The following ARHGAP15 variants were observed in gnomAD, a reference collection of about 807,000 sequenced individuals.
ARHGAP15 encodes the protein Rho GTPase activating protein 15, also known as rho GTPase-activating protein 15.
In ARHGAP15, 51 loss-of-function variants were observed where a neutral mutation model predicts 63.7. That is an observed-to-expected ratio of 0.80 (90% confidence interval 0.64 to 1.01). ARHGAP15 has a LOEUF of 1.01. Ranked by LOEUF, ARHGAP15 falls within the 50% of genes least tolerant of loss-of-function variation. The pLI is 0.00. For missense variants in ARHGAP15, 560 were observed against 564.6 expected, an observed-to-expected ratio of 0.99 and a Z score of 0.08; for synonymous variants, 191 against 193.8, an observed-to-expected ratio of 0.99 and a Z score of 0.12.
intron 8 of ARHGAP15, among the ~76,000 whole-genome samples, chr2:143,453,073 C>T (rs1161427744): frequency 6.7e-6 from 1 of 149,234 alleles, no homozygotes; most frequent in Non-Finnish European, 1.5e-5. Flanking sequence ...ATTCTAAGCA[C>T]TTTAATCTAC....
chr2:143,367,196 C>G (rs1278554212), intron 6 of ARHGAP15, among the ~76,000 whole-genome samples: 1 of 151,934 alleles, frequency 6.6e-6, no homozygotes, highest in Admixed American at 6.6e-5. Flanking sequence ...CTTCATCAAC[C>G]TCTCCACTAT....
intron 6 of ARHGAP15, among the ~76,000 whole-genome samples, chr2:143,413,967 G>GTGCA (rs1553476589): frequency 3.8e-5 from 1 of 26,664 alleles, no homozygotes; most frequent in South Asian, 1.2e-3. Context: ...GTGTGTGTGT[G>GTGCA]CGCGCTCTCT....
chr2:143,720,553 C>G (rs1429056754), intron 13 of ARHGAP15, among the ~76,000 whole-genome samples: 6 of 152,148 alleles, frequency 3.9e-5, no homozygotes, highest in Non-Finnish European at 7.3e-5. Flanking sequence ...GTGACTCATT[C>G]ACCAAGCACA....
At chr2:143,303,282 C>G (rs758118177) in intron 6 of ARHGAP15, among the ~76,000 whole-genome samples, 10 of 151,940 alleles carry the variant, frequency 6.6e-5, no homozygotes, top group African/African-American at 9.7e-5. Flanking sequence ...GGATTAATAT[C>G]CAGAATCTAC....
At chr2:143,233,081 A>G (rs76771372) in intron 5 of ARHGAP15, among the ~76,000 whole-genome samples, 3 of 152,286 alleles carry the variant, frequency 2.0e-5, no homozygotes, top group Non-Finnish European at 2.9e-5. Flanking sequence ...CTCAATGTAT[A>G]TGTTATTACC....
chr2:143,746,722 G>A (rs964405360), intron 13 of ARHGAP15, among the ~76,000 whole-genome samples: 19 of 152,156 alleles, frequency 1.2e-4, no homozygotes, highest in Admixed American at 1.0e-3. Flanking sequence ...AAATAACTTA[G>A]CGATAAAAAT....
At chr2:143,277,501 G>A (rs1272358293) in intron 6 of ARHGAP15, among the ~76,000 whole-genome samples, 1 of 151,622 alleles carries the variant, frequency 6.6e-6, no homozygotes, top group Non-Finnish European at 1.5e-5. Flanking sequence ...TAAGGTAATA[G>A]CCATCTTTGG....
chr2:143,194,848 A>T (rs945757706), intron 2 of ARHGAP15, among the ~76,000 whole-genome samples: 3 of 152,170 alleles, frequency 2.0e-5, no homozygotes, highest in African/African-American at 7.2e-5. Flanking sequence ...ACGCAGTTTG[A>T]TTTTCTTTGT....
Position 143,392,202 on chromosome 2 carries a change from T to C in ARHGAP15, c.475-43399T>C, listed in dbSNP as rs530228733. ...CTGTTATACTTTTCCAAATACTTAC[T>C]ACTTTTATTCTCTGCAATGGCATGG... is the stretch of plus-strand genomic sequence containing the variant. On this transcript the variant is annotated intron_variant, in intron 6 of 13. Transcript: ENST00000295095. Among the ~76,000 whole-genome samples, 17 of 152,330 alleles carry C rather than the reference T, an allele frequency of 1.1e-4. No individual in the cohort carries two copies. In the East Asian group the frequency reaches 3.3e-3, roughly 29 times the overall value.
rs556572763 is a variant in ARHGAP15 at position 143,722,831 on chromosome 2, C to A, written c.1244+19307C>A. Among the ~76,000 whole-genome samples the A allele has an allele frequency of 1.9e-3, 287 of 152,224 alleles. 3 individuals are homozygous for A. The highest frequency in any genetic ancestry group is 6.8e-3 in the Middle Eastern group (2 of 294). On this transcript the variant is annotated intron_variant, in intron 13 of 13. Transcript: ENST00000295095. ...GCCAGAGGCAAAGGAGAAGGAGAGA[C>A]CTGAGTGCAGGGTGGGGCCAGGTTA...
intron 6 of ARHGAP15, among the ~76,000 whole-genome samples, chr2:143,402,776 T>G (rs1019335319): frequency 1.3e-5 from 2 of 151,846 alleles, no homozygotes; most frequent in African/African-American, 4.8e-5. Flanking sequence ...CCAGAAACAC[T>G]GCACAGAGAT....
intron 13 of ARHGAP15, among the ~76,000 whole-genome samples, chr2:143,757,741 A>G (rs922296460): frequency 2.0e-5 from 3 of 152,130 alleles, no homozygotes; most frequent in Non-Finnish European, 2.9e-5. Context: ...AAAAATATTT[A>G]CAATGAATTA....
At chr2:143,160,710 C>T (rs1330426407) in intron 2 of ARHGAP15, among the ~76,000 whole-genome samples, 1 of 151,950 alleles carries the variant, frequency 6.6e-6, no homozygotes, top group Non-Finnish European at 1.5e-5. Flanking sequence ...TTGACTTTTA[C>T]ACAATATGCC....
intron 2 of ARHGAP15, among the ~76,000 whole-genome samples, chr2:143,173,487 TAGGAAAATGTC>T (rs1358974212): frequency 6.6e-6 from 1 of 151,966 alleles, no homozygotes; most frequent in East Asian, 1.9e-4. Flanking sequence ...TCAGAAAGGA[TAGGAAAATGTC>T]TGGAAAATGA....
At chr2:143,272,158 T>C (rs1574190743) in intron 6 of ARHGAP15, among the ~76,000 whole-genome samples, 1 of 152,270 alleles carries the variant, frequency 6.6e-6, no homozygotes, top group East Asian at 1.9e-4. Context: ...AAAAGGAATG[T>C]GAATGGTCCT....
chr2:143,564,122 T>C (rs762965424), intron 11 of ARHGAP15: 3 of 152,228 alleles, frequency 2.0e-5, no homozygotes, highest in Non-Finnish European at 4.4e-5. Context: ...CAATCCATCA[T>C]TGGTTGTTGG....
At chr2:143,336,344 G>A (rs1037769003) in intron 6 of ARHGAP15, among the ~76,000 whole-genome samples, 2 of 152,138 alleles carry the variant, frequency 1.3e-5, no homozygotes, top group African/African-American at 2.4e-5. Context: ...AGCCAGAGAT[G>A]AATACTGAAA....
intron 11 of ARHGAP15, among the ~76,000 whole-genome samples, chr2:143,557,825 G>A (rs1695871722): frequency 6.6e-6 from 1 of 151,972 alleles, no homozygotes; most frequent in Admixed American, 6.6e-5. Flanking sequence ...TAAGAAATTA[G>A]AAAATGAAAA....
intron 6 of ARHGAP15, among the ~76,000 whole-genome samples, chr2:143,280,243 A>G (rs1024088085): frequency 2.6e-5 from 4 of 151,720 alleles, no homozygotes; most frequent in Admixed American, 6.6e-5. Flanking sequence ...GTCAAATTTG[A>G]CTCAGTGACT....
Sources: gnomAD v4.1 joint callset for allele counts (sites outside exome capture counted in the v4.1 genomes callset) on GRCh38, gnomAD v4.1.1 for gene constraint, MANE v1.5 for transcripts, NCBI Gene and HGNC (gene_info 2026-07-23, HGNC 2026-07-21) for gene names.